Variants in LNPEP observed in about 807,000 individuals in gnomAD.
LNPEP encodes leucyl and cystinyl aminopeptidase, also known as leucyl-cystinyl aminopeptidase.
LNPEP carries 64 observed loss-of-function variants against 120.6 expected under a neutral mutation model. The observed-to-expected ratio is 0.53, with a 90% CI of 0.43 to 0.65. The LOEUF (loss-of-function observed/expected upper bound fraction) is 0.65. Among genes scored for constraint, LNPEP ranks in the 30% least tolerant of loss-of-function variants. The pLI, the probability that LNPEP is intolerant of heterozygous loss-of-function variation, is 0.00. For missense variants in LNPEP, 1,057 were observed against 1,200.0 expected (o/e 0.88, Z 1.76); for synonymous variants, 435 against 425.4 (o/e 1.02, Z -0.28).
intron 1 of LNPEP, among the ~76,000 whole-genome samples, chr5:96,952,988 G>T (rs1330808045): frequency 6.6e-6 from 1 of 152,082 alleles, no homozygotes; most frequent in Non-Finnish European, 1.5e-5. Flanking sequence ...GCCATAGAAT[G>T]ATCTAGACCT....
rs1554071749 is a variant in LNPEP, at chr5:97,030,620, C to CTCTCTG, written c.*2088_*2089insCTCTGT. 8 of 126,366 alleles carry CTCTCTG rather than the reference C, an allele frequency of 6.3e-5. No homozygotes were observed. Among genetic ancestry groups the CTCTCTG allele is most frequent in the African/African-American group, 1.5e-4 (5 of 34,476 alleles). The allele number at this position is 126,366 out of a possible 1,614,324, so 7.8% of individuals were successfully genotyped here. On this transcript the variant is annotated 3_prime_UTR_variant, in exon 18 of 18. Coordinates refer to ENST00000231368, the MANE Select transcript of LNPEP (RefSeq NM_005575.3). Reference sequence around the variant, plus strand: ...CATTTCTCTCCCTCTCTCTCTCTCTCTGTGTGTGTGTGTGTGTGTGTGTGT... The same window carrying CTCTCTG: ...CATTTCTCTCCCTCTCTCTCTCTCTCTCTCTGTGTGTGTGTGTGTGTGTGTGTGTGT...
At chr5:96,990,381 T>C (rs1790363168) in intron 4 of LNPEP, among the ~76,000 whole-genome samples, 2 of 152,210 alleles carry the variant, frequency 1.3e-5, no homozygotes, top group Admixed American at 6.5e-5. Flanking sequence ...GGCTACATAA[T>C]ATGGGAGAAT....
At chr5:96,942,298 A>T (rs1156607062) in intron 1 of LNPEP, 1 of 152,126 alleles carries the variant, frequency 6.6e-6, no homozygotes, top group Non-Finnish European at 1.5e-5. Flanking sequence ...TCACCAAAAA[A>T]CAGGTTGGTC....
At chr5:96,992,397 G>A (rs139407180) in intron 4 of LNPEP, among the ~76,000 whole-genome samples, 14 of 152,248 alleles carry the variant, frequency 9.2e-5, no homozygotes, top group East Asian at 5.8e-4. Flanking sequence ...TTAGCTGTCC[G>A]CAGCATTGGA....
chr5:96,936,411 G>C (rs1788874420), intron 1 of LNPEP: 6 of 402,746 alleles, frequency 1.5e-5, no homozygotes, highest in Non-Finnish European at 2.6e-5. Context: ...CGCTCGCCCG[G>C]GGTGCGGCCG....
At chr5:97,020,310 G>A (rs143454347) in intron 13 of LNPEP, among the ~76,000 whole-genome samples, 14 of 152,276 alleles carry the variant, frequency 9.2e-5, no homozygotes, top group East Asian at 7.7e-4. Flanking sequence ...AAGAACTTGA[G>A]CTAAACTTCT....
intron 1 of LNPEP, among the ~76,000 whole-genome samples, chr5:96,938,707 A>T (rs963155431): frequency 4.6e-5 from 7 of 152,218 alleles, no homozygotes; most frequent in African/African-American, 1.7e-4. Flanking sequence ...ATACTTCTGC[A>T]ACCCATTTAA....
At chr5:96,951,617 A>G (rs1296381131) in intron 1 of LNPEP, among the ~76,000 whole-genome samples, 3 of 152,144 alleles carry the variant, frequency 2.0e-5, no homozygotes, top group Non-Finnish European at 2.9e-5. Flanking sequence ...GGGGGATACA[A>G]CTGTATCATA....
At chr5:97,003,588 G>A in intron 9 of LNPEP, 42 bp downstream of exon 9, 1 of 1,415,642 alleles carries the variant, frequency 7.1e-7, no homozygotes. Flanking sequence ...ACTGTAAAAA[G>A]AGAGGAGTTC....
At chr5:96,947,399 G>T (rs1269075027) in intron 1 of LNPEP, among the ~76,000 whole-genome samples, 1 of 152,080 alleles carries the variant, frequency 6.6e-6, no homozygotes, top group South Asian at 2.1e-4. Flanking sequence ...CCTCAACAGG[G>T]TTATTGGCTG....
chr5:96,940,235 A>G (rs536290207), intron 1 of LNPEP, among the ~76,000 whole-genome samples: 1 of 152,302 alleles, frequency 6.6e-6, no homozygotes, highest in African/African-American at 2.4e-5. Flanking sequence ...TAAAAACAGC[A>G]TATTTTAGAA....
In LNPEP at chr5:96,996,421, G is replaced by A. The variant is rs1184488537; in HGVS notation, c.1439G>A (p.Trp480Ter). ...GGCAATCTGGTAACAATGAAGTGGT[G>A]GAATGACCTATGGCTAAATGAAGGT... The part of the protein sequence containing the change: ...WFGNLVTMKW[W>*]NDLWLNEGFA... Residue 480 changes from tryptophan (W) to a stop codon, truncating the protein, a stop_gained, in exon 7 of 18, where the codon TGG becomes TAG. Coordinates refer to ENST00000231368, the MANE Select transcript of LNPEP (RefSeq NM_005575.3). LOFTEE classifies it high-confidence loss of function. 1 of 1,611,306 alleles carries A rather than the reference G, an allele frequency of 6.2e-7. No homozygotes were observed.
chr5:96,945,540 C>T (rs1403094823), intron 1 of LNPEP, among the ~76,000 whole-genome samples: 1 of 152,032 alleles, frequency 6.6e-6, no homozygotes, highest in East Asian at 1.9e-4. Context: ...ATTTCTTTCA[C>T]AGCCTGCTAT....
intron 1 of LNPEP, 105 bp downstream of exon 1, chr5:96,936,279 G>A: frequency 2.1e-6 from 2 of 970,206 alleles, no homozygotes; most frequent in East Asian, 3.3e-5. Flanking sequence ...CCCCAACACC[G>A]CGGGCTTCCC....
At chr5:96,968,782 C>G (rs1343758606) in intron 1 of LNPEP, among the ~76,000 whole-genome samples, 1 of 152,018 alleles carries the variant, frequency 6.6e-6, no homozygotes, top group South Asian at 2.1e-4. Flanking sequence ...AGTGAAGTGG[C>G]TATAGCTGCC....
Position 97,034,515 on chromosome 5 carries a change from A to G in LNPEP, c.*5982A>G, listed in dbSNP as rs1791535607. 6.6e-6 allele frequency: 1 copy of G among 151,552 alleles called. No individual in the cohort carries two copies. Among genetic ancestry groups the G allele is most frequent in the Non-Finnish European group, 1.5e-5 (1 of 67,898 alleles). The allele number at this position is 151,552 out of a possible 1,614,324, so 9.4% of individuals were successfully genotyped here. On this transcript the variant is annotated 3_prime_UTR_variant, in exon 18 of 18. Coordinates refer to ENST00000231368, the MANE Select transcript of LNPEP (RefSeq NM_005575.3). The stretch of plus-strand genomic sequence containing the variant: ...TGTTATTGTTGTTCTTTCACTCTCA[A>G]CACAGTTTTTTGTTTGGAGTTGTAG...
intron 1 of LNPEP, among the ~76,000 whole-genome samples, chr5:96,967,048 G>A (rs947565549): frequency 4.6e-5 from 7 of 152,030 alleles, no homozygotes; most frequent in East Asian, 1.9e-4. Context: ...AACAATGTCC[G>A]TGGAGAACCC....
chr5:97,016,240 T>C (rs1176796875), intron 13 of LNPEP, among the ~76,000 whole-genome samples: 1 of 152,164 alleles, frequency 6.6e-6, no homozygotes, highest in Admixed American at 6.5e-5. Flanking sequence ...GGCTTTCAGC[T>C]AGCAGCCTTA....
chr5:96,978,444 T>C (rs963579758), intron 1 of LNPEP, among the ~76,000 whole-genome samples: 3 of 152,236 alleles, frequency 2.0e-5, no homozygotes, highest in Admixed American at 2.0e-4. Flanking sequence ...TTGATCTTTT[T>C]AAAAATCATT....
Sources: allele counts gnomAD v4.1 joint callset (sites outside exome capture counted in the v4.1 genomes callset), GRCh38; gene constraint gnomAD v4.1.1; transcripts MANE v1.5; gene names NCBI Gene and HGNC (gene_info 2026-07-23, HGNC 2026-07-21).